The following SPATA31E1 variants were observed in gnomAD, a reference collection of about 807,000 sequenced individuals.
The protein encoded by SPATA31E1 is spermatogenesis-associated protein 31E1.
SPATA31E1 carries 7 observed loss-of-function variants against 12.9 expected under a neutral mutation model. The ratio of observed to expected loss-of-function variants is 0.54; its 90% CI spans 0.31 to 1.02. The LOEUF is 1.02. SPATA31E1 is among the 50% of genes least tolerant of loss of function. The probability of loss-of-function intolerance (pLI) is 0.05; values close to 1 mark genes in which losing one functional copy is unlikely to be tolerated. For missense variants in SPATA31E1, 1,961 were observed against 1,799.8 expected, an observed-to-expected ratio of 1.09 and a Z score of -1.62; for synonymous variants, 771 against 719.0, an observed-to-expected ratio of 1.07 and a Z score of -1.16.
In SPATA31E1 at chr9:87,888,819, C is replaced by T. The variant is rs12238266; in HGVS notation, c.4332C>T (p.Ala1444=). The T allele has an allele frequency of 0.018, 28,927 of 1,600,022 alleles. 2,777 individuals are homozygous for T. In the East Asian group the frequency reaches 0.29, roughly 16 times the overall value. The change falls in exon 4 of 4, where the codon GCC becomes GCT. Residue 1444 remains alanine, a synonymous_variant. Transcript: ENST00000325643. ...QELMSAQRCL[A]S ...TGATGTCTGCACAGAGGTGTCTTGCCTCCTGAACTAGACCAGTCTTCTTGC... is the reference window on the plus strand; with the variant it reads ...TGATGTCTGCACAGAGGTGTCTTGCTTCCTGAACTAGACCAGTCTTCTTGC...
chr9:87,886,182 G>T lies in SPATA31E1; in HGVS notation c.1695G>T (p.Glu565Asp). 2.5e-6 allele frequency: 4 copies of T among 1,610,446 alleles called. No homozygotes were observed. The highest frequency in any genetic ancestry group is 3.4e-6 in the Non-Finnish European group (4 of 1,177,670). ...RTQSVIPTGKEYLEWPLKKRP... is the reference protein window; with the variant it reads ...RTQSVIPTGKDYLEWPLKKRP... The stretch of plus-strand genomic sequence containing the variant: ...AGTCTGTCATCCCCACTGGAAAGGA[G>T]TATCTTGAATGGCCCTTGAAGAAGC... The change falls in exon 4 of 4, where the codon GAG becomes GAT. Residue 565 changes from glutamate (E) to aspartate (D), a missense_variant. Glu to Asp is a conservative substitution (Grantham distance 45). Coordinates refer to ENST00000325643, the MANE Select transcript of SPATA31E1 (RefSeq NM_178828.5).
chr9:87,886,927 G>A lies in SPATA31E1; in HGVS notation c.2440G>A (p.Gly814Arg). ...KPGKLASWRGGKAHVNTSQEL... is the reference protein window; with the variant it reads ...KPGKLASWRGRKAHVNTSQEL... ...TGGGAAGCTGGCATCCTGGAGGGGT[G>A]GGAAAGCCCACGTGAACACCTCCCA... is the stretch of plus-strand genomic sequence containing the variant. The change falls in exon 4 of 4, where the codon GGG becomes AGG. Residue 814 changes from glycine (G) to arginine (R), a missense_variant. By Grantham distance (125) the Gly-to-Arg change is moderately radical (BLOSUM62 -2). Transcript: ENST00000325643. 6.2e-7 allele frequency: 1 copy of A among 1,614,056 alleles called. No individual in the cohort carries two copies. The highest frequency in any genetic ancestry group is 8.5e-7 in the Non-Finnish European group (1 of 1,180,010).
In SPATA31E1 at chr9:87,887,037, A is replaced by G; in HGVS notation, c.2550A>G (p.Thr850=). The G allele has an allele frequency of 6.2e-7, 1 of 1,614,148 alleles. No homozygotes were observed. The highest frequency in any genetic ancestry group is 8.5e-7 in the Non-Finnish European group (1 of 1,180,030). ...TCTGTGTGAGGCACAGCTGGGGTAC[A>G]GACCTCCAGTCCCTGGAGCCCATAA... The part of the protein sequence containing the change: ...VRFCVRHSWG[T]DLQSLEPINV... The change falls in exon 4 of 4, where the codon ACA becomes ACG. Residue 850 remains threonine, a synonymous_variant. Coordinates refer to ENST00000325643, the MANE Select transcript of SPATA31E1 (RefSeq NM_178828.5).
In SPATA31E1 at chr9:87,885,529, C is replaced by T. The variant is rs779946853; in HGVS notation, c.1042C>T (p.His348Tyr). 1.2e-6 allele frequency: 2 copies of T among 1,614,206 alleles called. No individual in the cohort carries two copies. Among genetic ancestry groups the T allele is most frequent in the Non-Finnish European group, 1.7e-6 (2 of 1,180,042 alleles). Residue 348 changes from histidine to tyrosine, a missense_variant, in exon 4 of 4, where the codon CAC becomes TAC. Physicochemically the swap from His to Tyr is moderately conservative, Grantham distance 83. Transcript: ENST00000325643. ...CTTCTGGGGAGACCCCACACCCAAG[C>T]ACATGGAGGTAGGTGGCTGCACATT... ...ASFWGDPTPKHMEVGGCTFIH... is the reference protein window; with the variant it reads ...ASFWGDPTPKYMEVGGCTFIH...
rs747160296 is a variant in SPATA31E1 at position 87,886,593 on chromosome 9, C to A, written c.2106C>A (p.Phe702Leu). The change falls in exon 4 of 4, where the codon TTC becomes TTA. Residue 702 changes from phenylalanine to leucine, a missense_variant. Transcript: ENST00000325643. ...QKTGFRSSGR[F>L]SDKGCLGSKL... is the part of the protein sequence containing the mutation. ...CCGGGTTCAGGAGCTCCGGAAGGTT[C>A]TCTGACAAGGGGTGCTTAGGGTCCA... The A allele has an allele frequency of 6.2e-7, 1 of 1,614,074 alleles. No homozygotes were observed. Among genetic ancestry groups the A allele is most frequent in the Non-Finnish European group, 8.5e-7 (1 of 1,180,030 alleles).
rs549197897 is a variant in SPATA31E1 at position 87,885,213 on chromosome 9, T to C, written c.726T>C (p.Phe242=). The change falls in exon 4 of 4, where the codon TTT becomes TTC. Residue 242 remains phenylalanine (F), a synonymous_variant. Transcript: ENST00000325643. ...KCPATQPHVV[F]PPSPQPHGPL... is the part of the protein sequence containing the mutation. ...CTGCAACCCAGCCACATGTGGTTTT[T>C]CCTCCTTCACCACAGCCGCATGGTC... is the stretch of plus-strand genomic sequence containing the variant. The C allele has an allele frequency of 6.2e-7, 1 of 1,614,014 alleles. No homozygotes were observed. Among genetic ancestry groups the C allele is most frequent in the African/African-American group, 1.3e-5 (1 of 75,008 alleles).
intron 3 of SPATA31E1, 80 bp from the exon 4 acceptor site, chr9:87,884,833 G>T (rs1328394267): frequency 6.0e-6 from 9 of 1,511,066 alleles, no homozygotes; most frequent in Non-Finnish European, 8.0e-6. Flanking sequence ...GGAGGAACCG[G>T]GGGCCCCAGG....
Position 87,886,782 on chromosome 9 carries a change from G to T in SPATA31E1, c.2295G>T (p.Leu765=), listed in dbSNP as rs771236240. 3.2e-5 allele frequency: 51 copies of T among 1,613,956 alleles called. No individual in the cohort carries two copies. The highest frequency in any genetic ancestry group is 4.1e-5 in the Non-Finnish European group (48 of 1,180,040). Residue 765 remains leucine (L), a synonymous_variant, in exon 4 of 4, where the codon CTG becomes CTT. Coordinates refer to ENST00000325643, the MANE Select transcript of SPATA31E1 (RefSeq NM_178828.5). ...DPDKEHLENK[L]QIHLARKVGE... is the part of the protein sequence containing the mutation. ...ACAAGGAGCATCTGGAAAACAAGCT[G>T]CAAATCCATCTGGCCAGGAAGGTAG...
rs562686640 is a variant in SPATA31E1 at position 87,884,249 on chromosome 9, G to A, written c.364+203G>A. Among the ~76,000 whole-genome samples, 5 of 152,336 alleles carry A rather than the reference G, an allele frequency of 3.3e-5. No homozygotes were observed. The South Asian group carries it at 1.0e-3, about 32-fold the overall frequency. On this transcript the variant is annotated intron_variant, in intron 2 of 3. Transcript: ENST00000325643. ...GGGGCGGTGTGGGGAAGGGACCAAG[G>A]CCTGCCTGGATATGGGGGGAGGTCA...
chr9:87,887,090 C>T lies in SPATA31E1; in HGVS notation c.2603C>T (p.Pro868Leu), dbSNP rs147060985. 9.7e-5 allele frequency: 157 copies of T among 1,614,074 alleles called. 1 individual carries two copies. In the African/African-American group the frequency reaches 1.8e-3, roughly 18 times the overall value. ...GTCTGGTCAGGTGAGGCTCAGGCCC[C>T]GCCCTTCCCACAATCCACCTTTACC... ...INVWSGEAQA[P>L]PFPQSTFTPW... Residue 868 changes from proline (P) to leucine (L), a missense_variant, in exon 4 of 4, where the codon CCG becomes CTG. Coordinates refer to ENST00000325643, the MANE Select transcript of SPATA31E1 (RefSeq NM_178828.5).
rs1180528163 is a variant in SPATA31E1, at chr9:87,883,118, T to C, written c.227T>C (p.Leu76Pro). 1 of 1,604,540 alleles carries C rather than the reference T, an allele frequency of 6.2e-7. No individual in the cohort carries two copies. Among genetic ancestry groups the C allele is most frequent in the Non-Finnish European group, 8.5e-7 (1 of 1,175,316 alleles). Reference sequence around the variant, plus strand: ...TTCATCCTCACCAGTGTGTGTGGCCTAGTGCTCCTCTTCCTATTGCTCCTC... The same window carrying C: ...TTCATCCTCACCAGTGTGTGTGGCCCAGTGCTCCTCTTCCTATTGCTCCTC... ...MDFILTSVCG[L>P]VLLFLLLLYV... The change falls in exon 1 of 4, where the codon CTA (leucine) becomes CCA (proline). Residue 76 changes from leucine to proline, a missense_variant. Coordinates refer to ENST00000325643, the MANE Select transcript of SPATA31E1 (RefSeq NM_178828.5).
rs1223720931 is a variant in SPATA31E1 at position 87,885,062 on chromosome 9, C to T, written c.575C>T (p.Pro192Leu). 10 of 1,614,194 alleles carry T rather than the reference C, an allele frequency of 6.2e-6. No individual in the cohort carries two copies. Among genetic ancestry groups the T allele is most frequent in the Non-Finnish European group, 7.6e-6 (9 of 1,180,022 alleles). The part of the protein sequence containing the change: ...QDPSPASLSP[P>L]APPAPLASTL... ...CCGTCTCCTGCCAGCTTGTCCCCAC[C>T]AGCTCCCCCAGCTCCTCTGGCCTCC... is the stretch of plus-strand genomic sequence containing the variant. Residue 192 changes from proline to leucine, a missense_variant, in exon 4 of 4, where the codon CCA (proline) becomes CTA (leucine). Transcript: ENST00000325643.
Position 87,884,607 on chromosome 9 carries a change from G to A in SPATA31E1, c.381G>A (p.Leu127=). ...GATTTCCAGCTTGCAGAATCCTCCT[G>A]AGGGAGCTGGAGGAGACTCGGGACC... ...ISALKACRIL[L]RELEETRDLN... The change falls in exon 3 of 4, where the codon CTG becomes CTA. Residue 127 remains leucine (L), a synonymous_variant. Transcript: ENST00000325643. 6.2e-7 allele frequency: 1 copy of A among 1,614,126 alleles called. No homozygotes were observed. Among genetic ancestry groups the A allele is most frequent in the Non-Finnish European group, 8.5e-7 (1 of 1,180,004 alleles).
chr9:87,888,830 G>C lies in SPATA31E1; in HGVS notation c.*5G>C. The C allele has an allele frequency of 6.3e-7, 1 of 1,587,954 alleles. No individual in the cohort carries two copies. The highest frequency in any genetic ancestry group is 8.6e-7 in the Non-Finnish European group (1 of 1,167,922). ...CAGAGGTGTCTTGCCTCCTGAACTA[G>C]ACCAGTCTTCTTGCATGTCTCCTGG... On this transcript the variant is annotated 3_prime_UTR_variant, in exon 4 of 4. Transcript: ENST00000325643.
Position 87,885,038 on chromosome 9 carries a change from C to T in SPATA31E1, c.551C>T (p.Pro184Leu), listed in dbSNP as rs750615067. ...CCGCATGGGAAATGCATGCAAGATC[C>T]GTCTCCTGCCAGCTTGTCCCCACCA... ...HQPHGKCMQD[P>L]SPASLSPPAP... The change falls in exon 4 of 4, where the codon CCG (proline) becomes CTG (leucine). Residue 184 changes from proline (P) to leucine (L), a missense_variant. By Grantham distance (98) the Pro-to-Leu change is moderately conservative. Transcript: ENST00000325643. 18 of 1,614,036 alleles carry T rather than the reference C, an allele frequency of 1.1e-5. No individual in the cohort carries two copies. Among genetic ancestry groups the T allele is most frequent in the Middle Eastern group, 3.3e-4 (2 of 6,084 alleles).
rs754356164 is a variant in SPATA31E1 at position 87,884,614 on chromosome 9, C to G, written c.388C>G (p.Leu130Val). 9.3e-6 allele frequency: 15 copies of G among 1,614,162 alleles called. No individual in the cohort carries two copies. The highest frequency in any genetic ancestry group is 1.3e-5 in the Non-Finnish European group (15 of 1,180,010). ...AGCTTGCAGAATCCTCCTGAGGGAG[C>G]TGGAGGAGACTCGGGACCTGAACTA... is the stretch of plus-strand genomic sequence containing the variant. ...LKACRILLRE[L>V]EETRDLNYLL... The change falls in exon 3 of 4, where the codon CTG (leucine) becomes GTG (valine). Residue 130 changes from leucine (L) to valine (V), a missense_variant. Leu to Val is a conservative substitution (Grantham distance 32). Transcript: ENST00000325643.
In SPATA31E1 at chr9:87,886,337, G is replaced by GCT; in HGVS notation, c.1850_1851insCT (p.Val618TrpfsTer92). The GCT allele has an allele frequency of 1.9e-6, 3 of 1,613,630 alleles. No homozygotes were observed. In the South Asian group the frequency reaches 3.3e-5, roughly 18 times the overall value. ...CCCAAGTCAGCCCCCATCCTTCCCG[G>GCT]GGTTGTCACCAGCCCTGAGCTCCCA... On this transcript the variant is annotated frameshift_variant, in exon 4 of 4. Coordinates refer to ENST00000325643, the MANE Select transcript of SPATA31E1 (RefSeq NM_178828.5). LOFTEE classifies it low-confidence loss of function (END_TRUNC).
Position 87,885,627 on chromosome 9 carries a change from G to A in SPATA31E1, c.1140G>A (p.Glu380=), listed in dbSNP as rs201760978. The change falls in exon 4 of 4, where the codon GAG becomes GAA. Residue 380 remains glutamate (E), a synonymous_variant. Coordinates refer to ENST00000325643, the MANE Select transcript of SPATA31E1 (RefSeq NM_178828.5). ...AKRALMKMWQ[E]KERKRADHPH... ...GAGCACTGATGAAGATGTGGCAGGA[G>A]AAAGAAAGAAAACGGGCCGACCACC... The A allele has an allele frequency of 5.5e-5, 89 of 1,613,830 alleles. No homozygotes were observed. Among genetic ancestry groups the A allele is most frequent in the Non-Finnish European group, 7.4e-5 (87 of 1,180,026 alleles).
chr9:87,883,718 G>A (rs773446726), intron 1 of SPATA31E1, among the ~76,000 whole-genome samples: 12 of 152,252 alleles, frequency 7.9e-5, no homozygotes, highest in East Asian at 1.9e-4. Context: ...GCTCAGAGGC[G>A]CCTGTGGGCC....
Sources: gnomAD v4.1 joint callset for allele counts (sites outside exome capture counted in the v4.1 genomes callset) on GRCh38, gnomAD v4.1.1 for gene constraint, MANE v1.5 for transcripts, NCBI Gene and HGNC (gene_info 2026-07-23, HGNC 2026-07-21) for gene names.